Variants in PLCG2 observed in about 807,000 individuals in gnomAD.
PLCG2 encodes the protein 1-phosphatidylinositol 4,5-bisphosphate phosphodiesterase gamma-2.
In PLCG2, 69 loss-of-function variants were observed where a neutral mutation model predicts 175.6. The ratio of observed to expected loss-of-function variants is 0.39; its 90% CI spans 0.32 to 0.48. The LOEUF is 0.48. PLCG2 is among the 20% of genes least tolerant of loss of function. PLCG2 has a pLI of 0.91. For synonymous variants in PLCG2, 827 were observed against 624.0 expected, an observed-to-expected ratio of 1.33 and a Z score of -4.85; for missense variants, 1,798 against 1,650.9, an observed-to-expected ratio of 1.09 and a Z score of -1.54.
At chr16:81,921,329 A>G (rs751999798) in intron 21 of PLCG2, 60 bp downstream of exon 21, 54 of 1,085,282 alleles carry the variant, frequency 5.0e-5, no homozygotes, top group Non-Finnish European at 1.6e-5. Flanking sequence ...TGTGGATTCC[A>G]TCTTGTTCCC....
intron 2 of PLCG2, among the ~76,000 whole-genome samples, chr16:81,832,204 G>A (rs943771748): frequency 1.3e-5 from 2 of 152,136 alleles, no homozygotes; most frequent in African/African-American, 4.8e-5. Context: ...AATACTTGGG[G>A]GGATATTCAC....
upstream of PLCG2, among the ~76,000 whole-genome samples, chr16:81,774,586 C>A (rs1329270084): frequency 1.3e-5 from 2 of 152,038 alleles, no homozygotes; most frequent in South Asian, 2.1e-4. Flanking sequence ...CTCAAGGGCT[C>A]CAGGGGGTTT....
rs149994773 is a variant in PLCG2 at position 81,755,017 on chromosome 16, CA to C, written c.-144-852del. 8.3e-3 allele frequency among the ~76,000 whole-genome samples: 1,267 copies of C among 152,196 alleles called. 16 individuals are homozygous for C. The highest frequency in any genetic ancestry group is 0.028 in the African/African-American group (1,182 of 41,520). ...AAATTGCTTACCCTCTCTGAGCCCCCATTGCCTGATCTGTCAAATGGGTCTG... is the reference window on the plus strand; with the variant it reads ...AAATTGCTTACCCTCTCTGAGCCCCCTTGCCTGATCTGTCAAATGGGTCTG... On this transcript the variant is annotated intron_variant, in intron 1 of 5. Coordinates refer to the PLCG2 transcript ENST00000565054.
chr16:81,839,025 G>C (rs985398133), intron 2 of PLCG2, among the ~76,000 whole-genome samples: 17 of 152,018 alleles, frequency 1.1e-4, no homozygotes, highest in African/African-American at 3.1e-4. Context: ...ACAGAACCAA[G>C]CCGAGGGTTT....
chr16:81,778,040 A>C (rs1279125345), upstream of PLCG2, among the ~76,000 whole-genome samples: 20 of 88,656 alleles, frequency 2.3e-4, no homozygotes, highest in South Asian at 4.7e-4. Context: ...AACAAAAAAA[A>C]AACAAAAAAA....
intron 3 of PLCG2, among the ~76,000 whole-genome samples, chr16:81,856,237 C>T (rs368957009): frequency 3.9e-5 from 6 of 152,114 alleles, no homozygotes; most frequent in South Asian, 2.1e-4. Flanking sequence ...CATGGGTGTA[C>T]GGACTGATAA....
intron 2 of PLCG2, among the ~76,000 whole-genome samples, chr16:81,839,848 T>C (rs1905726995): frequency 6.6e-6 from 1 of 152,292 alleles, no homozygotes; most frequent in East Asian, 1.9e-4. Context: ...GCCAGGGATT[T>C]GAGACCAGCC....
At chr16:81,928,026 C>G (rs1162043291) in intron 23 of PLCG2, among the ~76,000 whole-genome samples, 1 of 79,180 alleles carries the variant, frequency 1.3e-5, no homozygotes, top group East Asian at 6.0e-4. Context: ...CTGGTTCTGC[C>G]ACCTCTCCTA....
intron 22 of PLCG2, among the ~76,000 whole-genome samples, chr16:81,926,634 C>T (rs1169302192): frequency 5.9e-5 from 9 of 152,138 alleles, no homozygotes; most frequent in Non-Finnish European, 1.2e-4. Flanking sequence ...GAAGCACTCA[C>T]GTTTATGCAT....
chr16:81,949,236 C>T (rs978807940), intron 31 of PLCG2, among the ~76,000 whole-genome samples: 3 of 152,130 alleles, frequency 2.0e-5, no homozygotes, highest in African/African-American at 4.8e-5. Flanking sequence ...AATGAAATAG[C>T]GAATAAAGGA....
intron 2 of PLCG2, among the ~76,000 whole-genome samples, chr16:81,760,513 C>G (rs1395155354): frequency 1.3e-5 from 2 of 152,098 alleles, no homozygotes; most frequent in African/African-American, 2.4e-5. Flanking sequence ...AAAACAAGAT[C>G]TGGCTTTTTC....
chr16:81,951,784 CAAATT>C (rs1911376544), intron 31 of PLCG2, among the ~76,000 whole-genome samples: 1 of 151,992 alleles, frequency 6.6e-6, no homozygotes, highest in Admixed American at 6.5e-5. Context: ...CAGTTAGCAA[CAAATT>C]AAATATGAAA....
At chr16:81,915,681 A>T (rs966885585) in intron 19 of PLCG2, among the ~76,000 whole-genome samples, 2 of 152,252 alleles carry the variant, frequency 1.3e-5, no homozygotes, top group Admixed American at 1.3e-4. Context: ...TCCCCATGCG[A>T]CGGGTTGTGG....
At chr16:81,794,661 A>G (rs1911386491) in intron 2 of PLCG2, among the ~76,000 whole-genome samples, 1 of 152,250 alleles carries the variant, frequency 6.6e-6, no homozygotes, top group South Asian at 2.1e-4. Flanking sequence ...CTCTTGTGAT[A>G]AGTAAATGAC....
chr16:81,792,293 C>T (rs892880781), intron 2 of PLCG2, among the ~76,000 whole-genome samples: 1 of 151,924 alleles, frequency 6.6e-6, no homozygotes, highest in African/African-American at 2.4e-5. Context: ...ACCAGCCTAG[C>T]CAACATGGCG....
At chr16:81,919,692 G>T in intron 20 of PLCG2, 28 bp downstream of exon 20, 2 of 1,592,310 alleles carry the variant, frequency 1.3e-6, no homozygotes, top group Non-Finnish European at 1.7e-6. Flanking sequence ...TTGTGATTTG[G>T]TGGGATTTCT....
Position 81,910,696 on chromosome 16 carries a change from AC to A in PLCG2, c.1914del (p.Asn639ThrfsTer13). On this transcript the variant is annotated frameshift_variant, in exon 18 of 33. Coordinates refer to ENST00000564138, the MANE Select transcript of PLCG2 (RefSeq NM_002661.5). LOFTEE classifies it high-confidence loss of function. ...CTGCGGCTCACGGACCCTGTGCCCA[AC>A]CCCAACCCCCACGAGTCCAAGCCGT... ...FELRLTDPVP[N>X]PNPHESKPWY... 1 of 1,610,734 alleles carries A rather than the reference AC, an allele frequency of 6.2e-7. No individual in the cohort carries two copies.
At chr16:81,765,037 G>T (rs529815031) in intron 2 of PLCG2, among the ~76,000 whole-genome samples, 2 of 145,780 alleles carry the variant, frequency 1.4e-5, no homozygotes, top group Non-Finnish European at 3.1e-5. Flanking sequence ...GCAGTGAACC[G>T]TGATCACCCC....
At chr16:81,792,530 C>G (rs1027729582) in intron 2 of PLCG2, among the ~76,000 whole-genome samples, 4 of 113,072 alleles carry the variant, frequency 3.5e-5, no homozygotes, top group African/African-American at 1.4e-4. Context: ...AAAACAAAAA[C>G]AAGCAAACAA....
Sources: allele counts gnomAD v4.1 joint callset (sites outside exome capture counted in the v4.1 genomes callset), GRCh38; gene constraint gnomAD v4.1.1; transcripts MANE v1.5; gene names NCBI Gene and HGNC (gene_info 2026-07-23, HGNC 2026-07-21).